Variants in OR1A1 observed in about 807,000 individuals in gnomAD.
OR1A1 encodes the protein olfactory receptor 1A1.
For synonymous variants in OR1A1, 145 were observed against 147.8 expected, an observed-to-expected ratio of 0.98 and a Z score of 0.13; for missense variants, 391 against 379.9, an observed-to-expected ratio of 1.03 and a Z score of -0.24.
intron 2 of OR1A1, among the ~76,000 whole-genome samples, chr17:3,209,497 A>G (rs34015882): frequency 0.25 from 38,008 of 151,970 alleles, 5,556 homozygotes; most frequent in East Asian, 0.57. Flanking sequence ...ATTTTTAAAA[A>G]ATTTTTGTGG....
rs375813001 is a variant in OR1A1 at position 3,208,007 on chromosome 17, T to C, written c.-557+7T>C. ...TAGGCTACTTGCCCAAGAGGTAAGT[T>C]GAATTATGATGTCATTTTATCAAAC... On this transcript the variant is annotated splice_region_variant and intron_variant, in intron 1 of 3. Coordinates refer to ENST00000641732, the MANE Select transcript of OR1A1 (RefSeq NM_014565.3). 5 of 152,338 alleles carry C rather than the reference T, an allele frequency of 3.3e-5. No individual in the cohort carries two copies. Among genetic ancestry groups the C allele is most frequent in the East Asian group, 1.9e-4 (1 of 5,180 alleles). 9.4% of individuals were successfully genotyped at this position (152,338 alleles called of 1,614,324 possible). A position where few individuals can be genotyped will look rare whatever the true frequency, so the allele number is the denominator to read the frequency against.
At chr17:3,215,516 A>T in intron 3 of OR1A1, 100 bp from the exon 4 acceptor site, 1 of 840,878 alleles carries the variant, frequency 1.2e-6, no homozygotes, top group Non-Finnish European at 1.8e-6. Flanking sequence ...AGGTGTATAC[A>T]CAGCTGAATC....
Position 3,208,170 on chromosome 17 carries a change from G to GAT in OR1A1, c.-557+180_-557+181dup, listed in dbSNP as rs10579673. Among the ~76,000 whole-genome samples, 722 of 150,870 alleles carry GAT rather than the reference G, an allele frequency of 4.8e-3. 7 individuals carry two copies. The highest frequency in any genetic ancestry group is 0.015 in the African/African-American group (629 of 41,200). On this transcript the variant is annotated intron_variant, in intron 1 of 3. Coordinates refer to ENST00000641732, the MANE Select transcript of OR1A1 (RefSeq NM_014565.3). The stretch of plus-strand genomic sequence containing the variant: ...AGAGAGAGATAGAGATAGAGATAGA[G>GAT]ATATATATATAGAGAGAGAGAGAGG...
rs1024484099 is a variant in OR1A1, at chr17:3,218,883, T to A, written c.*2333T>A. On this transcript the variant is annotated 3_prime_UTR_variant, in exon 4 of 4. Transcript: ENST00000641732. ...TGTATACCTATGTAACAAACCTGCA[T>A]GTTCTGCACATGTACCCCAGAATTA... is the stretch of plus-strand genomic sequence containing the variant. The A allele has an allele frequency of 5.3e-5, 8 of 152,060 alleles. No homozygotes were observed. Among genetic ancestry groups the A allele is most frequent in the Non-Finnish European group, 1.2e-4 (8 of 68,012 alleles). The allele number at this position is 152,060 out of a possible 1,614,324, so 9.4% of individuals were successfully genotyped here.
At position 3,218,424 on chromosome 17, in the gene OR1A1, T is replaced by A. The variant is rs62090947; in HGVS notation, c.*1874T>A. 64,402 of 152,070 alleles carry A rather than the reference T, an allele frequency of 0.42. 14,020 individuals are homozygous for A. Among genetic ancestry groups the A allele is most frequent in the Middle Eastern group, 0.5 (146 of 294 alleles). 9.4% of individuals were successfully genotyped at this position (152,070 alleles called of 1,614,324 possible). ...TCCAGTGATCCCATTACTGGGTATA[T>A]ACCTAAAGGATTATAAATCATTCTA... On this transcript the variant is annotated 3_prime_UTR_variant, in exon 4 of 4. Coordinates refer to ENST00000641732, the MANE Select transcript of OR1A1 (RefSeq NM_014565.3).
At position 3,209,722 on chromosome 17, in the gene OR1A1, A is replaced by T. The variant is rs143288499; in HGVS notation, c.-139+724A>T. On this transcript the variant is annotated intron_variant, in intron 2 of 3. Coordinates refer to ENST00000641732, the MANE Select transcript of OR1A1 (RefSeq NM_014565.3). Reference sequence around the variant, plus strand: ...GAGTTCAAGGCTGCAGTGAGCCATGATCATACCACTGCCCTCCAGCCTGGG... The same window carrying T: ...GAGTTCAAGGCTGCAGTGAGCCATGTTCATACCACTGCCCTCCAGCCTGGG... Among the ~76,000 whole-genome samples, 56 of 152,242 alleles carry T rather than the reference A, an allele frequency of 3.7e-4. 1 individual carries two copies. In the East Asian group the frequency reaches 0.011, roughly 29 times the overall value.
intron 3 of OR1A1, chr17:3,213,381 A>G (rs1239594729): frequency 6.6e-6 from 1 of 152,246 alleles, no homozygotes; most frequent in Non-Finnish European, 1.5e-5. Context: ...GAGAAATGAT[A>G]AAGATGATTA....
rs1597294433 is a variant in OR1A1 at position 3,217,817 on chromosome 17, T to G, written c.*1267T>G. The G allele has an allele frequency of 6.6e-6, 1 of 152,112 alleles. No homozygotes were observed. The highest frequency in any genetic ancestry group is 2.4e-5 in the African/African-American group (1 of 41,396). The allele number at this position is 152,112 out of a possible 1,614,324, so 9.4% of individuals were successfully genotyped here. Reference sequence around the variant, plus strand: ...GGCTTAAACGTAAGACCTAAAACCATAAAAACCTTAGAAGAAAACGTAGGC... The same window carrying G: ...GGCTTAAACGTAAGACCTAAAACCAGAAAAACCTTAGAAGAAAACGTAGGC... On this transcript the variant is annotated 3_prime_UTR_variant, in exon 4 of 4. Transcript: ENST00000641732.
rs1190596570 is a variant in OR1A1, at chr17:3,217,737, G to T, written c.*1187G>T. 2.0e-5 allele frequency: 3 copies of T among 152,202 alleles called. No individual in the cohort carries two copies. The highest frequency in any genetic ancestry group is 2.9e-5 in the Non-Finnish European group (2 of 68,034). 9.4% of individuals were successfully genotyped at this position (152,202 alleles called of 1,614,324 possible). On this transcript the variant is annotated 3_prime_UTR_variant, in exon 4 of 4. Coordinates refer to ENST00000641732, the MANE Select transcript of OR1A1 (RefSeq NM_014565.3). The stretch of plus-strand genomic sequence containing the variant: ...ACTGGCTAGCCATATGCAGAAAAAT[G>T]AAACTGGACCCCTTTCTTACATCTT...
In OR1A1 at chr17:3,215,991, T is replaced by G. The variant is rs1208428382; in HGVS notation, c.371T>G (p.Val124Gly). Residue 124 changes from valine to glycine, a missense_variant, in exon 4 of 4, where the codon GTG becomes GGG. Physicochemically the swap from Val to Gly is moderately radical, Grantham distance 109. Coordinates refer to ENST00000641732, the MANE Select transcript of OR1A1 (RefSeq NM_014565.3). Reference protein sequence around the residue: ...ILAAMAYDRAVAISRPLHYTT... With the variant: ...ILAAMAYDRAGAISRPLHYTT... ...GCTGCAATGGCATATGATCGAGCTG[T>G]GGCCATCAGCCGCCCACTTCACTAC... The G allele has an allele frequency of 6.2e-7, 1 of 1,614,154 alleles. No homozygotes were observed. Among genetic ancestry groups the G allele is most frequent in the Non-Finnish European group, 8.5e-7 (1 of 1,180,036 alleles).
intron 3 of OR1A1, 29 bp from the exon 4 acceptor site, chr17:3,215,587 T>G (rs1487803868): frequency 2.8e-5 from 41 of 1,484,686 alleles, no homozygotes; most frequent in Non-Finnish European, 3.4e-5. Context: ...GCTAATATAA[T>G]GATATTCCTC....
At chr17:3,208,499 C>G (rs1041474770) in intron 1 of OR1A1, 82 bp from the exon 2 acceptor site, 5 of 152,104 alleles carry the variant, frequency 3.3e-5, no homozygotes, top group Non-Finnish European at 5.9e-5. Context: ...TCATGGAAGT[C>G]TCAAAGTACT....
Position 3,218,086 on chromosome 17 carries a change from A to AC in OR1A1, c.*1540dup, listed in dbSNP as rs927460745. On this transcript the variant is annotated 3_prime_UTR_variant, in exon 4 of 4. Transcript: ENST00000641732. Reference sequence around the variant, plus strand: ...AACTTAAATTTACAGGAAAAAAACCACCCCATGAAAAAGTGGGCGAAGGAT... The same window carrying AC: ...AACTTAAATTTACAGGAAAAAAACCACCCCCATGAAAAAGTGGGCGAAGGAT... 4 of 151,858 alleles carry AC rather than the reference A, an allele frequency of 2.6e-5. No individual in the cohort carries two copies. Among genetic ancestry groups the AC allele is most frequent in the African/African-American group, 9.7e-5 (4 of 41,256 alleles). 9.4% of individuals were successfully genotyped at this position (151,858 alleles called of 1,614,324 possible).
rs1474807056 is a variant in OR1A1, at chr17:3,216,726, C to A, written c.*176C>A. On this transcript the variant is annotated 3_prime_UTR_variant, in exon 4 of 4. Transcript: ENST00000641732. Reference sequence around the variant, plus strand: ...AATAATAAGTGATTATTGAAATTACCACTTTCAACTCATTGCTGCTCTTTT... The same window carrying A: ...AATAATAAGTGATTATTGAAATTACAACTTTCAACTCATTGCTGCTCTTTT... The A allele has an allele frequency of 3.5e-6, 2 of 567,110 alleles. No homozygotes were observed. The highest frequency in any genetic ancestry group is 5.8e-5 in the East Asian group (2 of 34,740). 35.1% of individuals were successfully genotyped at this position (567,110 alleles called of 1,614,324 possible).
intron 2 of OR1A1, among the ~76,000 whole-genome samples, chr17:3,211,085 G>A (rs1002077523): frequency 6.6e-6 from 1 of 152,036 alleles, no homozygotes; most frequent in Non-Finnish European, 1.5e-5. Context: ...ATGACTCTGG[G>A]CTAAATAGTT....
In OR1A1 at chr17:3,216,406, G is replaced by A. The variant is rs780710549; in HGVS notation, c.786G>A (p.Leu262=). ...GTVMGTYFRP[L]TNYSLKDAVI... is the part of the protein sequence containing the mutation. ...TCATGGGCACGTATTTCCGCCCTTT[G>A]ACCAATTATAGCCTAAAAGACGCAG... The change falls in exon 4 of 4, where the codon TTG becomes TTA. Residue 262 remains leucine, a synonymous_variant. Coordinates refer to ENST00000641732, the MANE Select transcript of OR1A1 (RefSeq NM_014565.3). 1 of 1,614,146 alleles carries A rather than the reference G, an allele frequency of 6.2e-7. No homozygotes were observed. Among genetic ancestry groups the A allele is most frequent in the South Asian group, 1.1e-5 (1 of 91,054 alleles).
At position 3,216,221 on chromosome 17, in the gene OR1A1, C is replaced by T. The variant is rs77243846; in HGVS notation, c.601C>T (p.Leu201=). The change falls in exon 4 of 4, where the codon CTA becomes TTA. Residue 201 remains leucine, a synonymous_variant. Transcript: ENST00000641732. ...DIHFHVKMMY[L]GVGIFSVPLL... ...CCACTTTCATGTGAAGATGATGTAC[C>T]TAGGGGTTGGCATTTTCTCTGTGCC... The T allele has an allele frequency of 2.4e-3, 3,819 of 1,614,078 alleles. 59 individuals carry two copies. In the African/African-American group the frequency reaches 0.043, roughly 18 times the overall value.
rs1463682392 is a variant in OR1A1, at chr17:3,213,649, G to C, written c.-6+1050G>C. ...TTTTGTTTGGGGGAGGTTCTCCTGA[G>C]TGTGGAGTACTGGGGATACAGGTTC... is the stretch of plus-strand genomic sequence containing the variant. On this transcript the variant is annotated intron_variant, in intron 3 of 3. Transcript: ENST00000641732. 2.6e-5 allele frequency: 4 copies of C among 152,190 alleles called. No homozygotes were observed. In the East Asian group the frequency reaches 7.7e-4, roughly 29 times the overall value. The allele number at this position is 152,190 out of a possible 1,614,324, so 9.4% of individuals were successfully genotyped here. A position where few individuals can be genotyped will look rare whatever the true frequency, so the allele number is the denominator to read the frequency against.
At position 3,216,515 on chromosome 17, in the gene OR1A1, C is replaced by T. The variant is rs1263212706; in HGVS notation, c.895C>T (p.Leu299=). The change falls in exon 4 of 4, where the codon CTG becomes TTG. Residue 299 remains leucine (L), a synonymous_variant. Transcript: ENST00000641732. ...GAGAAATCGGGACATGAAGGCTGCC[C>T]TGCGGAAACTCTTCAACAAGAGAAT... is the stretch of plus-strand genomic sequence containing the variant. The part of the protein sequence containing the change: ...SLRNRDMKAA[L]RKLFNKRISS The T allele has an allele frequency of 6.2e-7, 1 of 1,613,414 alleles. No individual in the cohort carries two copies. Among genetic ancestry groups the T allele is most frequent in the Admixed American group, 1.7e-5 (1 of 59,988 alleles).
Sources: allele counts gnomAD v4.1 joint callset (sites outside exome capture counted in the v4.1 genomes callset), GRCh38; gene constraint gnomAD v4.1.1; transcripts MANE v1.5; gene names NCBI Gene and HGNC (gene_info 2026-07-23, HGNC 2026-07-21).